The following DHRS4L2 variants were observed in gnomAD, a reference collection of about 807,000 sequenced individuals.
DHRS4L2 encodes dehydrogenase/reductase SDR family member 4-like 2.
Under a neutral mutation model 23.9 loss-of-function variants are expected in DHRS4L2, and 22 were observed. That is an observed-to-expected ratio of 0.92 (90% CI 0.66 to 1.31). The LOEUF is 1.31. DHRS4L2 is among the 40% of genes most tolerant of loss of function. DHRS4L2 has a pLI of 0.00. For missense variants in DHRS4L2, 385 were observed against 303.3 expected, an observed-to-expected ratio of 1.27 and a Z score of -2.00; for synonymous variants, 141 against 123.7, an observed-to-expected ratio of 1.14 and a Z score of -0.93.
At chr14:23,983,028 A>G (rs1180412598) in intron 1 of DHRS4L2, among the ~76,000 whole-genome samples, 4 of 151,662 alleles carry the variant, frequency 2.6e-5, no homozygotes, top group African/African-American at 7.3e-5. Context: ...CAAATAGACA[A>G]ATTGGACCTG....
chr14:23,981,227 C>T (rs1337256492), intron 1 of DHRS4L2, among the ~76,000 whole-genome samples: 1 of 151,456 alleles, frequency 6.6e-6, no homozygotes, highest in Non-Finnish European at 1.5e-5. Flanking sequence ...AATAAAATAC[C>T]TAGGAATCCA....
At chr14:24,001,327 T>C in intron 5 of DHRS4L2, 57 bp from the exon 6 acceptor site, 21 of 1,584,400 alleles carry the variant, frequency 1.3e-5, no homozygotes, top group Non-Finnish European at 1.8e-5. Context: ...TGTCTAGTTA[T>C]TAGAACCAAG....
intron 1 of DHRS4L2, among the ~76,000 whole-genome samples, 154 bp from the exon 2 acceptor site, chr14:23,990,028 C>T (rs768933400): frequency 1.3e-5 from 2 of 151,822 alleles, no homozygotes; most frequent in African/African-American, 2.4e-5. Flanking sequence ...AATGGCCATG[C>T]CATTAAGCCT....
chr14:23,982,471 T>G (rs1178750718), intron 1 of DHRS4L2, among the ~76,000 whole-genome samples: 1 of 151,500 alleles, frequency 6.6e-6, no homozygotes, highest in South Asian at 2.1e-4. Context: ...CAGTCTGATC[T>G]CTCTTTCTTT....
intron 1 of DHRS4L2, among the ~76,000 whole-genome samples, chr14:23,989,559 C>G (rs1289639317): frequency 6.6e-6 from 1 of 151,542 alleles, no homozygotes; most frequent in Non-Finnish European, 1.5e-5. Flanking sequence ...TCTGGGCCTA[C>G]CTTGCCCAGC....
rs557725610 is a variant in DHRS4L2 at position 23,972,454 on chromosome 14, T to TA, written c.-176+2123dup. On this transcript the variant is annotated intron_variant, in intron 1 of 5. Coordinates refer to the DHRS4L2 transcript ENST00000534993. The stretch of plus-strand genomic sequence containing the variant: ...AGCTGCAGACCTTCACGGTGAGTGT[T>TA]ACAGCTCATAAAGGCAGTGTGGACC... Among the ~76,000 whole-genome samples, 54 of 152,122 alleles carry TA rather than the reference T, an allele frequency of 3.5e-4. No individual in the cohort carries two copies. In the East Asian group the frequency reaches 0.01, roughly 29 times the overall value.
chr14:23,986,976 T>G (rs577221297), upstream of DHRS4L2, among the ~76,000 whole-genome samples: 106 of 151,630 alleles, frequency 7.0e-4, 5 homozygotes, highest in Non-Finnish European at 2.2e-4. Flanking sequence ...TGGGGAAAAT[T>G]ATACTGCAGC....
chr14:23,975,080 G>A (rs1228361152), intron 1 of DHRS4L2, among the ~76,000 whole-genome samples: 1 of 151,680 alleles, frequency 6.6e-6, no homozygotes, highest in African/African-American at 2.4e-5. Flanking sequence ...GGAAGTTCTG[G>A]CCAGGGCAAT....
At chr14:23,987,702 A>G (rs1362442549), upstream of DHRS4L2, among the ~76,000 whole-genome samples, 1 of 151,770 alleles carries the variant, frequency 6.6e-6, no homozygotes, top group South Asian at 2.1e-4. Context: ...ATACTCCACA[A>G]TAAAGGACTG....
intron 1 of DHRS4L2, among the ~76,000 whole-genome samples, chr14:23,975,284 C>CA (rs1290615923): frequency 2.6e-5 from 4 of 151,620 alleles, no homozygotes. Flanking sequence ...TTCCTATATG[C>CA]AAATAATAGA....
intron 3 of DHRS4L2, among the ~76,000 whole-genome samples, chr14:23,999,367 A>AAAAAAAAAAAAAAAAAC (rs1555330042): frequency 4.3e-5 from 5 of 116,800 alleles, no homozygotes; most frequent in African/African-American, 6.2e-5. Context: ...AAAAAAAAAA[A>AAAAAAAAAAAAAAAAAC]AAAAAAACAA....
At chr14:23,994,471 T>G (rs1359259420) in intron 2 of DHRS4L2, among the ~76,000 whole-genome samples, 2 of 151,682 alleles carry the variant, frequency 1.3e-5, no homozygotes, top group Non-Finnish European at 2.9e-5. Flanking sequence ...GTGGATGGCT[T>G]GAGCCCAGGA....
In DHRS4L2 at chr14:23,995,087, C is replaced by A; in HGVS notation, c.362C>A (p.Pro121His). 1 of 1,612,982 alleles carries A rather than the reference C, an allele frequency of 6.2e-7. No individual in the cohort carries two copies. Among genetic ancestry groups the A allele is most frequent in the Non-Finnish European group, 8.5e-7 (1 of 1,179,476 alleles). The change falls in exon 3 of 8, where the codon CCT becomes CAT. Residue 121 changes from proline to histidine, a missense_variant. Coordinates refer to ENST00000335125, the MANE Select transcript of DHRS4L2 (RefSeq NM_198083.4). ...DILVSNAAVN[P>H]FFGSLMDVTE... ...CTAGTCTCCAATGCTGCTGTCAACC[C>A]TTTCTTTGGAAGCCTAATGGATGTC...
intron 1 of DHRS4L2, among the ~76,000 whole-genome samples, chr14:23,979,190 G>C (rs532093077): frequency 6.7e-6 from 1 of 149,364 alleles, no homozygotes; most frequent in African/African-American, 2.5e-5. Flanking sequence ...AAGATCAAAA[G>C]AGACAAGGCC....
chr14:23,985,461 C>T (rs2034123245), upstream of DHRS4L2, among the ~76,000 whole-genome samples: 1 of 151,516 alleles, frequency 6.6e-6, no homozygotes, highest in Admixed American at 6.6e-5. Context: ...ATGCATGACT[C>T]AACAGTGAAT....
chr14:23,987,287 C>T (rs778541721), upstream of DHRS4L2: 46 of 282,680 alleles, frequency 1.6e-4, 1 homozygote, highest in Non-Finnish European at 3.0e-4. Flanking sequence ...AGTACCACCA[C>T]GCCCGGCTAA....
At chr14:23,988,905 C>T (rs2034204238), upstream of DHRS4L2, 2 of 1,605,482 alleles carry the variant, frequency 1.2e-6, no homozygotes, top group South Asian at 1.1e-5. Flanking sequence ...TACTCTGTCA[C>T]CTCCGCTGGA....
At chr14:23,982,214 G>C (rs942414798) in intron 1 of DHRS4L2, among the ~76,000 whole-genome samples, 2 of 151,604 alleles carry the variant, frequency 1.3e-5, no homozygotes, top group African/African-American at 2.4e-5. Context: ...TTGTGCCCCT[G>C]ATTTATTGAG....
intron 1 of DHRS4L2, among the ~76,000 whole-genome samples, chr14:23,972,313 C>T (rs2033874577): frequency 1.3e-5 from 2 of 151,980 alleles, no homozygotes; most frequent in Non-Finnish European, 2.9e-5. Context: ...AAGCTGCGGA[C>T]CTTCGCAGTG....
Sources: allele counts gnomAD v4.1 joint callset (sites outside exome capture counted in the v4.1 genomes callset), GRCh38; gene constraint gnomAD v4.1.1; transcripts MANE v1.5; gene names NCBI Gene and HGNC (gene_info 2026-07-23, HGNC 2026-07-21).